HFM1: variants seen among roughly 807,000 people sequenced by gnomAD.
HFM1 encodes helicase for meiosis 1.
Under a neutral mutation model 192.1 loss-of-function variants are expected in HFM1, and 169 were observed. The ratio of observed to expected loss-of-function variants is 0.88; its 90% CI spans 0.78 to 1.00. HFM1 has a LOEUF of 1.00. Among genes scored for constraint, HFM1 ranks in the 50% least tolerant of loss-of-function variants. The probability of loss-of-function intolerance (pLI) is 0.00; values close to 1 mark genes in which losing one functional copy is unlikely to be tolerated. For missense variants in HFM1, 1,661 were observed against 1,668.0 expected, an observed-to-expected ratio of 1.00 and a Z score of 0.07; for synonymous variants, 525 against 537.8, an observed-to-expected ratio of 0.98 and a Z score of 0.33.
chr1:91,386,292 G>C (rs1382244239), intron 4 of HFM1, among the ~76,000 whole-genome samples: 1 of 152,176 alleles, frequency 6.6e-6, no homozygotes, highest in Non-Finnish European at 1.5e-5. Flanking sequence ...CCTATGAAGA[G>C]GCCCAGGTGG....
Position 91,404,794 on chromosome 1 carries a change from T to C in HFM1, c.-28+4A>G. 2.2e-6 allele frequency: 1 copy of C among 450,874 alleles called. No individual in the cohort carries two copies. The allele number at this position is 450,874 out of a possible 1,614,324, so 27.9% of individuals were successfully genotyped here. ...CCCGCGGGCGTCCGGGCCCCTCTCCTCACCTCCCTGCGGACAGCTCCTAGG... is the reference window on the plus strand; with the variant it reads ...CCCGCGGGCGTCCGGGCCCCTCTCCCCACCTCCCTGCGGACAGCTCCTAGG... On this transcript the variant is annotated splice_donor_region_variant and intron_variant, in intron 1 of 38. Coordinates refer to ENST00000370425, the MANE Select transcript of HFM1 (RefSeq NM_001017975.6).
At chr1:91,355,250 C>T (rs1410554881) in intron 13 of HFM1, among the ~76,000 whole-genome samples, 10 of 151,818 alleles carry the variant, frequency 6.6e-5, no homozygotes, top group East Asian at 1.9e-4. Context: ...CAAAGCTTAG[C>T]GCTACAGAAA....
In HFM1 at chr1:91,327,587, G is replaced by C. The variant is rs767357736; in HGVS notation, c.2336-2821C>G. ...GAACAGATCATCCAGACAGAAAATC[G>C]ACAAAGAAACATCAAACTTAATCTG... On this transcript the variant is annotated intron_variant, in intron 20 of 38. Transcript: ENST00000370425. Among the ~76,000 whole-genome samples the C allele has an allele frequency of 3.3e-5, 5 of 152,178 alleles. No individual in the cohort carries two copies. In the East Asian group the frequency reaches 5.8e-4, roughly 18 times the overall value.
intron 30 of HFM1, among the ~76,000 whole-genome samples, chr1:91,285,072 A>T (rs1479745965): frequency 6.6e-6 from 1 of 152,074 alleles, no homozygotes; most frequent in Non-Finnish European, 1.5e-5. Flanking sequence ...GCTGGCTCTC[A>T]TTCTCTCTTG....
In HFM1 at chr1:91,300,077, C is replaced by T. The variant is rs532002296; in HGVS notation, c.3391+13272G>A. Among the ~76,000 whole-genome samples, 26 of 151,778 alleles carry T rather than the reference C, an allele frequency of 1.7e-4. No individual in the cohort carries two copies. The East Asian group carries it at 1.9e-3, about 11-fold the overall frequency. ...AGAAAAGAGAGAAGAATCAAATAGACACAATAAAAAATGATAAAGGGGATA... is the reference window on the plus strand; with the variant it reads ...AGAAAAGAGAGAAGAATCAAATAGATACAATAAAAAATGATAAAGGGGATA... On this transcript the variant is annotated intron_variant, in intron 30 of 38. Coordinates refer to ENST00000370425, the MANE Select transcript of HFM1 (RefSeq NM_001017975.6).
In HFM1 at chr1:91,316,166, G is replaced by A. The variant is rs1293687080; in HGVS notation, c.2917C>T (p.Pro973Ser). Residue 973 changes from proline to serine, a missense_variant, in exon 27 of 39, where the codon CCC becomes TCC. By Grantham distance (74) the Pro-to-Ser change is moderately conservative. Coordinates refer to ENST00000370425, the MANE Select transcript of HFM1 (RefSeq NM_001017975.6). ...GTTTCTTTTATCTGGGTTCCAAAGG[G>A]GGGATGTCTGTTTAAAATCTAAAAA... ...ELELILNRHP[P>S]FGTQIKETVM... The A allele has an allele frequency of 1.3e-6, 2 of 1,577,678 alleles. No individual in the cohort carries two copies. The highest frequency in any genetic ancestry group is 1.4e-5 in the African/African-American group (1 of 73,336).
chr1:91,289,230 C>T (rs380912), intron 30 of HFM1, among the ~76,000 whole-genome samples: 104,319 of 150,376 alleles, frequency 0.69, 36,438 homozygotes, highest in East Asian at 0.81. Flanking sequence ...GACGGGGTCG[C>T]GGCCGGACAG....
intron 13 of HFM1, 40 bp from the exon 14 acceptor site, chr1:91,353,339 T>A: frequency 8.3e-7 from 1 of 1,202,128 alleles, no homozygotes; most frequent in Non-Finnish European, 1.2e-6. Flanking sequence ...TTACTCCCAG[T>A]AACATTAGAG....
At chr1:91,382,442 A>T (rs282028) in intron 6 of HFM1, among the ~76,000 whole-genome samples, 152,139 of 152,322 alleles carry the variant, frequency 1, 75,978 homozygotes, top group Non-Finnish European at 1. Flanking sequence ...TTCTTAAGTG[A>T]CATATCCCAA....
intron 30 of HFM1, among the ~76,000 whole-genome samples, chr1:91,296,080 G>A (rs901121537): frequency 3.9e-5 from 6 of 151,928 alleles, no homozygotes; most frequent in East Asian, 1.9e-4. Flanking sequence ...TACCATGCCC[G>A]GCTAATTTTT....
intron 20 of HFM1, among the ~76,000 whole-genome samples, chr1:91,335,950 A>T (rs1160704970): frequency 6.6e-6 from 1 of 151,064 alleles, no homozygotes; most frequent in Non-Finnish European, 1.5e-5. Context: ...GCAGGCTAAG[A>T]CCCCTCTCTC....
intron 11 of HFM1, among the ~76,000 whole-genome samples, chr1:91,376,688 A>C (rs1423719396): frequency 1.3e-5 from 2 of 151,908 alleles, no homozygotes; most frequent in African/African-American, 4.8e-5. Context: ...CCTTAGTAGA[A>C]ATCAAAGAAG....
chr1:91,351,917 A>C (rs1347186630), intron 16 of HFM1, among the ~76,000 whole-genome samples: 1 of 151,962 alleles, frequency 6.6e-6, no homozygotes, highest in Non-Finnish European at 1.5e-5. Context: ...AAAAGTTGTA[A>C]GATTTGGTAT....
In HFM1 at chr1:91,340,192, T is replaced by C. The variant is rs117996778; in HGVS notation, c.2335+3238A>G. Among the ~76,000 whole-genome samples the C allele has an allele frequency of 1.4e-3, 215 of 152,228 alleles. 3 individuals carry two copies. The East Asian group carries it at 0.022, about 16-fold the overall frequency. On this transcript the variant is annotated intron_variant, in intron 20 of 38. Transcript: ENST00000370425. ...AGCTAATTTTTAGAAAAATTTTTTG[T>C]AGAGACAAGGTGTCACTATATTGCT... is the stretch of plus-strand genomic sequence containing the variant.
At chr1:91,311,702 T>C (rs951831304) in intron 30 of HFM1, among the ~76,000 whole-genome samples, 1 of 151,558 alleles carries the variant, frequency 6.6e-6, no homozygotes, top group African/African-American at 2.4e-5. Context: ...TGGGGAGAAA[T>C]TCATGCTGGC....
chr1:91,401,060 A>G lies in HFM1; in HGVS notation c.23T>C (p.Leu8Pro). Residue 8 changes from leucine to proline, a missense_variant, in exon 2 of 39, where the codon CTG becomes CCG. Coordinates refer to ENST00000370425, the MANE Select transcript of HFM1 (RefSeq NM_001017975.6). Reference protein sequence around the residue: MLKSNDCLFSLENLFFEK... With the variant: MLKSNDCPFSLENLFFEK... The stretch of plus-strand genomic sequence containing the variant: ...AAAAAACAAATTTTCCAAAGAAAAC[A>G]GGCAATCATTTGATTTCAGCATTGT... The G allele has an allele frequency of 6.4e-7, 1 of 1,555,628 alleles. No homozygotes were observed. The highest frequency in any genetic ancestry group is 8.7e-7 in the Non-Finnish European group (1 of 1,155,562).
chr1:91,394,032 T>C, intron 4 of HFM1, 61 bp downstream of exon 4: 1 of 931,982 alleles, frequency 1.1e-6, no homozygotes, highest in Admixed American at 2.8e-5. Context: ...TTAATACTTT[T>C]ATATGTACAA....
Position 91,380,229 on chromosome 1 carries a change from T to C in HFM1, c.881A>G (p.Tyr294Cys). The change falls in exon 8 of 39, where the codon TAC becomes TGC. Residue 294 changes from tyrosine (Y) to cysteine (C), a missense_variant. Transcript: ENST00000370425. ...IQSKAFDDLL[Y>C]TDRNFVICAP... Reference sequence around the variant, plus strand: ...ACAAATCACAAAATTCCTATCTGTGTAAAGAAGCTAAAAAATAAAAAGTAA... The same window carrying C: ...ACAAATCACAAAATTCCTATCTGTGCAAAGAAGCTAAAAAATAAAAAGTAA... The C allele has an allele frequency of 6.5e-7, 1 of 1,534,674 alleles. No individual in the cohort carries two copies. The highest frequency in any genetic ancestry group is 8.8e-7 in the Non-Finnish European group (1 of 1,138,934).
intron 1 of HFM1, among the ~76,000 whole-genome samples, chr1:91,402,369 G>A (rs1664401230): frequency 6.6e-6 from 1 of 152,000 alleles, no homozygotes. Context: ...GTTTTTCACT[G>A]TTTTCGTTAT....
Sources: gnomAD v4.1 joint callset for allele counts (sites outside exome capture counted in the v4.1 genomes callset) on GRCh38, gnomAD v4.1.1 for gene constraint, MANE v1.5 for transcripts, NCBI Gene and HGNC (gene_info 2026-07-23, HGNC 2026-07-21) for gene names.